The following OTUD4 variants were observed in gnomAD, a reference collection of about 807,000 sequenced individuals.
The protein encoded by OTUD4 is OTU deubiquitinase 4.
A neutral mutation model predicts 130.4 loss-of-function variants in OTUD4; 24 were observed. That is an observed-to-expected ratio of 0.18 (90% CI 0.13 to 0.26). OTUD4 has a LOEUF of 0.26. Ranked by LOEUF, OTUD4 falls within the 10% of genes least tolerant of loss-of-function variation. The probability of loss-of-function intolerance (pLI) is 1.00; values close to 1 mark genes in which losing one functional copy is unlikely to be tolerated. For missense variants in OTUD4, 1,031 were observed against 1,329.4 expected (o/e 0.78, Z 3.49); for synonymous variants, 420 against 472.5 (o/e 0.89, Z 1.44).
rs185827647 is a variant in OTUD4, at chr4:145,168,107, A to G, written c.295-2910T>C. Among the ~76,000 whole-genome samples, 988 of 152,312 alleles carry G rather than the reference A, an allele frequency of 6.5e-3. 5 individuals are homozygous for G. The highest frequency in any genetic ancestry group is 9.9e-3 in the Non-Finnish European group (671 of 68,018). On this transcript the variant is annotated intron_variant, in intron 3 of 20. Transcript: ENST00000447906. Reference sequence around the variant, plus strand: ...CAGCATTTTTTATGATGTGTGACATATATCTTTCTTGTAAAAAGAATTCCT... The same window carrying G: ...CAGCATTTTTTATGATGTGTGACATGTATCTTTCTTGTAAAAAGAATTCCT...
intron 11 of OTUD4, 48 bp from the exon 12 acceptor site, chr4:145,150,953 A>G: frequency 9.1e-7 from 1 of 1,102,438 alleles, no homozygotes; most frequent in Non-Finnish European, 1.3e-6. Flanking sequence ...CCTAGTAAGA[A>G]TAGTTAAATA....
intron 7 of OTUD4, among the ~76,000 whole-genome samples, chr4:145,158,531 G>A (rs1212203374): frequency 6.6e-6 from 1 of 150,982 alleles, no homozygotes; most frequent in Non-Finnish European, 1.5e-5. Context: ...AACAAATCAA[G>A]AGATATACAT....
chr4:145,179,550 G>C (rs1421455486), intron 1 of OTUD4: 1 of 1,199,054 alleles, frequency 8.3e-7, no homozygotes, highest in Non-Finnish European at 1.1e-6. Context: ...GCTCCGAGCA[G>C]GCCTCACAAG....
At chr4:145,142,450 T>A in intron 17 of OTUD4, 116 bp from the exon 18 acceptor site, 1 of 815,984 alleles carries the variant, frequency 1.2e-6, no homozygotes, top group Non-Finnish European at 2.0e-6. Flanking sequence ...ACAAATGAAG[T>A]ACAAATAGCC....
At chr4:145,165,439 A>T (rs1367323327) in intron 3 of OTUD4, among the ~76,000 whole-genome samples, 2 of 152,100 alleles carry the variant, frequency 1.3e-5, no homozygotes, top group African/African-American at 2.4e-5. Context: ...GACAGTTCCT[A>T]TTGGTGTGGC....
intron 3 of OTUD4, among the ~76,000 whole-genome samples, chr4:145,168,577 C>A (rs944742621): frequency 1.1e-4 from 16 of 152,034 alleles, no homozygotes; most frequent in African/African-American, 3.9e-4. Flanking sequence ...ACAGACATTT[C>A]ACCAACAAAA....
At chr4:145,144,575 G>T (rs1434276439) in intron 14 of OTUD4, 141 bp from the exon 15 acceptor site, 10 of 741,312 alleles carry the variant, frequency 1.3e-5, no homozygotes, top group Non-Finnish European at 2.0e-5. Flanking sequence ...AACTAAAGAA[G>T]ATAGAATCTA....
chr4:145,160,228 C>T (rs1411325488), intron 6 of OTUD4, among the ~76,000 whole-genome samples: 1 of 152,156 alleles, frequency 6.6e-6, no homozygotes, highest in Non-Finnish European at 1.5e-5. Flanking sequence ...TGGACGAGCA[C>T]TTCTCAGGTT....
intron 4 of OTUD4, among the ~76,000 whole-genome samples, chr4:145,164,892 A>G (rs926939693): frequency 6.6e-6 from 1 of 152,208 alleles, no homozygotes; most frequent in Non-Finnish European, 1.5e-5. Flanking sequence ...ATTTCTCTAC[A>G]AAGTTGATAA....
At chr4:145,168,379 CA>C (rs552114430) in intron 3 of OTUD4, among the ~76,000 whole-genome samples, 535 of 51,268 alleles carry the variant, frequency 0.01, 2 homozygotes, top group Middle Eastern at 0.037. Flanking sequence ...AACTCTGCCT[CA>C]AAAAAAAATA....
chr4:145,170,419 T>C (rs1006598707), intron 3 of OTUD4, among the ~76,000 whole-genome samples: 3 of 152,274 alleles, frequency 2.0e-5, no homozygotes, highest in African/African-American at 7.2e-5. Flanking sequence ...CTGCCTGGAA[T>C]GCCCTTCAGC....
At chr4:145,139,897 T>C (rs1306794460) in intron 20 of OTUD4, 54 bp downstream of exon 20, 2 of 578,494 alleles carry the variant, frequency 3.5e-6, no homozygotes, top group Non-Finnish European at 6.0e-6. Flanking sequence ...CTAGTAATAA[T>C]TTAAAACACT....
Position 145,144,008 on chromosome 4 carries a change from C to G in OTUD4, c.1547-7G>C. On this transcript the variant is annotated splice_region_variant and splice_polypyrimidine_tract_variant and intron_variant, in intron 15 of 20. Coordinates refer to ENST00000447906, the MANE Select transcript of OTUD4 (RefSeq NM_001366057.1). ...CTATGTCCATGAATAGAGTCTATAG[C>G]AGATCAAGATTAAAAAAGACAGCAT... 4 of 1,608,866 alleles carry G rather than the reference C, an allele frequency of 2.5e-6. No homozygotes were observed. The highest frequency in any genetic ancestry group is 3.4e-6 in the Non-Finnish European group (4 of 1,175,768).
chr4:145,156,699 ACT>A (rs1751313703), intron 7 of OTUD4, among the ~76,000 whole-genome samples: 1 of 151,730 alleles, frequency 6.6e-6, no homozygotes, highest in Non-Finnish European at 1.5e-5. Context: ...AAAAAAAAAT[ACT>A]CTACGTCAAA....
intron 18 of OTUD4, 37 bp from the exon 19 acceptor site, chr4:145,141,676 G>A: frequency 6.7e-7 from 1 of 1,498,336 alleles, no homozygotes; most frequent in East Asian, 2.3e-5. Context: ...AATGACAAAA[G>A]ATGAAAATCT....
At chr4:145,141,991 T>G (rs1437889199) in intron 18 of OTUD4, among the ~76,000 whole-genome samples, 1 of 152,172 alleles carries the variant, frequency 6.6e-6, no homozygotes, top group Non-Finnish European at 1.5e-5. Flanking sequence ...CTCCTGAGAC[T>G]ATGAGGGCAT....
chr4:145,177,598 T>C (rs1033043377), intron 1 of OTUD4, among the ~76,000 whole-genome samples: 1 of 152,184 alleles, frequency 6.6e-6, no homozygotes, highest in Admixed American at 6.5e-5. Flanking sequence ...TAGTGATAAA[T>C]ACTGGGAAAG....
intron 13 of OTUD4, among the ~76,000 whole-genome samples, chr4:145,147,406 A>G (rs1330195801): frequency 6.6e-6 from 1 of 152,218 alleles, no homozygotes; most frequent in Non-Finnish European, 1.5e-5. Flanking sequence ...ATTTTAGACC[A>G]ATCCTTCCCA....
intron 1 of OTUD4, 28 bp downstream of exon 1, chr4:145,179,787 G>GA: frequency 6.1e-6 from 2 of 329,938 alleles, no homozygotes; most frequent in South Asian, 7.3e-5. Context: ...GCCTCCCCTC[G>GA]AAGCCCTCCC....
Sources: gnomAD v4.1 joint callset for allele counts (sites outside exome capture counted in the v4.1 genomes callset) on GRCh38, gnomAD v4.1.1 for gene constraint, MANE v1.5 for transcripts, NCBI Gene and HGNC (gene_info 2026-07-23, HGNC 2026-07-21) for gene names.